DENND4A: variants seen among roughly 807,000 people sequenced by gnomAD.
DENND4A encodes the protein C-myc promoter-binding protein.
In DENND4A, 70 loss-of-function variants were observed where a neutral mutation model predicts 199.3. That is an observed-to-expected ratio of 0.35 (90% confidence interval 0.29 to 0.43). The LOEUF is 0.43. DENND4A is among the 20% of genes least tolerant of loss of function. The pLI is 1.00. For synonymous variants in DENND4A, 686 were observed against 766.9 expected (o/e 0.89, Z 1.74); for missense variants, 1,723 against 2,255.8 (o/e 0.76, Z 4.78).
chr15:65,691,378 T>A lies in DENND4A; in HGVS notation c.3216A>T (p.Gly1072=). 6.2e-7 allele frequency: 1 copy of A among 1,613,632 alleles called. No homozygotes were observed. The highest frequency in any genetic ancestry group is 8.5e-7 in the Non-Finnish European group (1 of 1,179,748). The change falls in exon 23 of 33, where the codon GGA becomes GGT. Residue 1072 remains glycine, a synonymous_variant. Coordinates refer to ENST00000443035, the MANE Select transcript of DENND4A (RefSeq NM_001320835.1). ...CTCCACTAAGATTACGGTTTCTATT[T>A]CCCCAGACCACTTGCTGCTGCAAAT... ...ETNLQQQVVW[G]NRNRNLSGGV...
intron 20 of DENND4A, among the ~76,000 whole-genome samples, chr15:65,697,695 T>C (rs2077194668): frequency 6.6e-6 from 1 of 152,208 alleles, no homozygotes; most frequent in South Asian, 2.1e-4. Flanking sequence ...AGACATTCTT[T>C]ATACAAGTCC....
chr15:65,792,069 G>T lies in DENND4A; in HGVS notation c.-161C>A, dbSNP rs1369312. Reference sequence around the variant, plus strand: ...GCTCGGAGAGCGGCGCCGGAATCCCGCACGCGCGGTAGCGGAACACGAGGG... The same window carrying T: ...GCTCGGAGAGCGGCGCCGGAATCCCTCACGCGCGGTAGCGGAACACGAGGG... On this transcript the variant is annotated 5_prime_UTR_variant, in exon 1 of 33. Transcript: ENST00000443035. 30,891 of 152,218 alleles carry T rather than the reference G, an allele frequency of 0.2. 4,167 individuals carry two copies. Among genetic ancestry groups the T allele is most frequent in the East Asian group, 0.73 (3,748 of 5,110 alleles). 9.4% of individuals were successfully genotyped at this position (152,218 alleles called of 1,614,324 possible).
At chr15:65,782,839 A>G (rs1461267597) in intron 1 of DENND4A, among the ~76,000 whole-genome samples, 1 of 152,192 alleles carries the variant, frequency 6.6e-6, no homozygotes, top group Admixed American at 6.5e-5. Context: ...GCATTTATCA[A>G]TATGTACCAC....
chr15:65,674,764 T>C (rs563442756), intron 24 of DENND4A, among the ~76,000 whole-genome samples: 3 of 151,906 alleles, frequency 2.0e-5, no homozygotes, highest in Non-Finnish European at 4.4e-5. Flanking sequence ...CATTATATGT[T>C]ACACTTAAAT....
intron 20 of DENND4A, among the ~76,000 whole-genome samples, chr15:65,699,593 A>G (rs923144683): frequency 1.4e-5 from 2 of 147,408 alleles, no homozygotes; most frequent in African/African-American, 2.6e-5. Context: ...ATACATATAC[A>G]TATGTGTATA....
chr15:65,677,370 T>C (rs990754433), intron 23 of DENND4A, among the ~76,000 whole-genome samples: 1 of 152,072 alleles, frequency 6.6e-6, no homozygotes, highest in Non-Finnish European at 1.5e-5. Flanking sequence ...CCACCGTGCC[T>C]GGCTAATTTT....
chr15:65,717,117 C>T (rs1036123805), intron 13 of DENND4A, among the ~76,000 whole-genome samples: 11 of 151,984 alleles, frequency 7.2e-5, no homozygotes, highest in Non-Finnish European at 1.3e-4. Flanking sequence ...TGATTATAAG[C>T]TCTCTGAGAG....
At chr15:65,734,252 A>C (rs980521564) in intron 7 of DENND4A, among the ~76,000 whole-genome samples, 18 of 152,220 alleles carry the variant, frequency 1.2e-4, no homozygotes, top group African/African-American at 2.7e-4. Flanking sequence ...GAGGTGGGAC[A>C]TGCGGGCAGC....
intron 12 of DENND4A, among the ~76,000 whole-genome samples, chr15:65,720,173 T>C (rs560296180): frequency 3.9e-5 from 6 of 152,196 alleles, no homozygotes; most frequent in Non-Finnish European, 8.8e-5. Flanking sequence ...ATGTTAATTT[T>C]CTGATTTTTA....
intron 2 of DENND4A, among the ~76,000 whole-genome samples, chr15:65,758,940 C>T (rs987699687): frequency 6.6e-6 from 1 of 152,150 alleles, no homozygotes; most frequent in Non-Finnish European, 1.5e-5. Flanking sequence ...CTAGAAACAA[C>T]CCTAAGAAAA....
chr15:65,705,778 GA>G (rs200353871), intron 15 of DENND4A, among the ~76,000 whole-genome samples: 7 of 150,094 alleles, frequency 4.7e-5, no homozygotes, highest in Admixed American at 6.6e-5. Context: ...CAGCTTTAAC[GA>G]AAAAAAAATC....
At chr15:65,676,165 T>TATATATATATATATATAC (rs1011768963) in intron 24 of DENND4A, among the ~76,000 whole-genome samples, 6 of 144,496 alleles carry the variant, frequency 4.2e-5, no homozygotes, top group South Asian at 2.2e-4. Flanking sequence ...TATATATATA[T>TATATATATATATATATAC]ACCTATACCT....
At chr15:65,732,614 A>G (rs2075992936) in intron 8 of DENND4A, 138 bp downstream of exon 8, 1 of 522,488 alleles carries the variant, frequency 1.9e-6, no homozygotes, top group South Asian at 3.3e-5. Context: ...GGCCCAAACT[A>G]CAACAGGTAA....
At chr15:65,725,689 T>G (rs28432221) in intron 11 of DENND4A, among the ~76,000 whole-genome samples, 1 of 121,538 alleles carries the variant, frequency 8.2e-6, no homozygotes, top group Admixed American at 8.6e-5. Flanking sequence ...AAAATAAAAA[T>G]AAAAAAAATA....
At chr15:65,713,811 G>A (rs1318762178) in intron 14 of DENND4A, among the ~76,000 whole-genome samples, 1 of 152,182 alleles carries the variant, frequency 6.6e-6, no homozygotes, top group Non-Finnish European at 1.5e-5. Context: ...CCCTAAACCT[G>A]GGGCTGGCCA....
chr15:65,759,872 G>T (rs1007584565), intron 2 of DENND4A, among the ~76,000 whole-genome samples: 1 of 152,082 alleles, frequency 6.6e-6, no homozygotes, highest in Admixed American at 6.5e-5. Context: ...TTATTTTATG[G>T]ATATACCATT....
intron 4 of DENND4A, among the ~76,000 whole-genome samples, chr15:65,746,886 G>A (rs1054992628): frequency 1.3e-5 from 2 of 150,266 alleles, no homozygotes; most frequent in African/African-American, 4.9e-5. Context: ...GGCCAATATG[G>A]TAAAACCCTG....
At chr15:65,703,912 T>G (rs1157292547) in intron 15 of DENND4A, among the ~76,000 whole-genome samples, 3 of 152,334 alleles carry the variant, frequency 2.0e-5, no homozygotes, top group Admixed American at 6.5e-5. Flanking sequence ...AGCAGCCCCC[T>G]GAGCAATACA....
At chr15:65,717,287 T>C (rs2140273013) in intron 13 of DENND4A, among the ~76,000 whole-genome samples, 1 of 152,330 alleles carries the variant, frequency 6.6e-6, no homozygotes, top group East Asian at 1.9e-4. Context: ...TAAATATGTA[T>C]TATAAAACCG....
Sources: allele counts gnomAD v4.1 joint callset (sites outside exome capture counted in the v4.1 genomes callset), GRCh38; gene constraint gnomAD v4.1.1; transcripts MANE v1.5; gene names NCBI Gene and HGNC (gene_info 2026-07-23, HGNC 2026-07-21).